The following PPP2R2B variants were observed in gnomAD, a reference collection of about 807,000 sequenced individuals.
PPP2R2B encodes the protein protein phosphatase 2 regulatory subunit Bbeta.
PPP2R2B carries 5 observed loss-of-function variants against 46.0 expected under a neutral mutation model. The observed-to-expected ratio is 0.11, with a 90% CI of 0.06 to 0.23. PPP2R2B has a LOEUF of 0.23. PPP2R2B is among the 10% of genes least tolerant of loss of function. The probability of loss-of-function intolerance (pLI) is 1.00; values close to 1 mark genes in which losing one functional copy is unlikely to be tolerated. For missense variants in PPP2R2B, 367 were observed against 575.0 expected (o/e 0.64, Z 3.70); for synonymous variants, 215 against 206.7 (o/e 1.04, Z -0.34).
At chr5:146,709,922 T>C (rs1780123507) in intron 2 of PPP2R2B, among the ~76,000 whole-genome samples, 1 of 152,192 alleles carries the variant, frequency 6.6e-6, no homozygotes, top group Non-Finnish European at 1.5e-5. Flanking sequence ...CTTATAGCAC[T>C]TTGCACAGGG....
chr5:146,975,502 AT>A (rs199938289), intron 1 of PPP2R2B, among the ~76,000 whole-genome samples: 8 of 151,970 alleles, frequency 5.3e-5, no homozygotes, highest in South Asian at 2.1e-4. Flanking sequence ...CTTGCTTTTA[AT>A]TTTTTTTGGC....
At position 146,746,109 on chromosome 5, in the gene PPP2R2B, G is replaced by A. The variant is rs919043815; in HGVS notation, c.71-44967C>T. ...GGCTTGGCTATGAAAACCTTATAGC[G>A]CTATTATGTGCTACACCTGTGATGG... On this transcript the variant is annotated intron_variant, in intron 2 of 9. Transcript: ENST00000394411. Among the ~76,000 whole-genome samples the A allele has an allele frequency of 7.9e-5, 12 of 152,114 alleles. No homozygotes were observed. In the East Asian group the frequency reaches 9.6e-4, roughly 12 times the overall value.
chr5:146,920,466 C>A (rs774031927), intron 1 of PPP2R2B, among the ~76,000 whole-genome samples: 3 of 152,142 alleles, frequency 2.0e-5, no homozygotes, highest in Non-Finnish European at 4.4e-5. Flanking sequence ...GAAATTGTAC[C>A]GTTCTAAGAG....
chr5:146,820,750 C>A (rs796809922), intron 2 of PPP2R2B, among the ~76,000 whole-genome samples: 4 of 152,150 alleles, frequency 2.6e-5, no homozygotes, highest in African/African-American at 9.6e-5. Context: ...TCCGTCTCCT[C>A]CCCTCTCCAA....
At chr5:146,881,047 T>C (rs956342457), upstream of PPP2R2B, among the ~76,000 whole-genome samples, 4 of 147,306 alleles carry the variant, frequency 2.7e-5, no homozygotes, top group South Asian at 2.2e-4. Context: ...TGTGCACCAC[T>C]GTGGAGCTGG....
At position 146,915,447 on chromosome 5, in the gene PPP2R2B, TACACACAC is replaced by T. The variant is rs34632167; in HGVS notation, c.79+140210_79+140217del. On this transcript the variant is annotated intron_variant, in intron 1 of 8. Transcript: ENST00000336640. ...ATCCAAAGAAGTCATTCTACCTATG[TACACACAC>T]ACACACACACACACACACGTACACA... 4.7e-5 allele frequency among the ~76,000 whole-genome samples: 7 copies of T among 147,630 alleles called. No homozygotes were observed. The East Asian group carries it at 8.1e-4, about 17-fold the overall frequency.
At chr5:146,856,656 G>T in intron 2 of PPP2R2B, 1 of 1,059,326 alleles carries the variant, frequency 9.4e-7, no homozygotes, top group Non-Finnish European at 1.5e-6. Context: ...ACATACAGGT[G>T]CATTTACATA....
chr5:146,702,583 G>A (rs997917157), intron 2 of PPP2R2B, among the ~76,000 whole-genome samples: 2 of 152,240 alleles, frequency 1.3e-5, no homozygotes, highest in Non-Finnish European at 2.9e-5. Flanking sequence ...GTATTGCCAT[G>A]TATTGCCTGA....
rs544578932 is a variant in PPP2R2B at position 146,901,077 on chromosome 5, G to A, written c.79+154588C>T. On this transcript the variant is annotated intron_variant, in intron 1 of 8. Coordinates refer to the PPP2R2B transcript ENST00000336640. ...TTCCATGTCTTTGCTATTGTGAATA[G>A]CAGCTATATTTTCTTATGTAAACAT... Among the ~76,000 whole-genome samples the A allele has an allele frequency of 2.6e-5, 4 of 152,258 alleles. No homozygotes were observed. The South Asian group carries it at 8.3e-4, about 32-fold the overall frequency.
chr5:146,856,558 C>T (rs1369295067), intron 2 of PPP2R2B: 1 of 1,612,934 alleles, frequency 6.2e-7, no homozygotes, highest in Non-Finnish European at 8.5e-7. Flanking sequence ...GGCCACTATT[C>T]TCTGTCTTGG....
At chr5:146,719,899 T>C (rs1347728905) in intron 2 of PPP2R2B, among the ~76,000 whole-genome samples, 1 of 152,130 alleles carries the variant, frequency 6.6e-6, no homozygotes, top group African/African-American at 2.4e-5. Flanking sequence ...GGCATTCCCA[T>C]ATGGCCATTC....
At chr5:146,667,334 A>G (rs6885322) in intron 5 of PPP2R2B, among the ~76,000 whole-genome samples, 527 of 5,666 alleles carry the variant, frequency 0.093, no homozygotes, top group African/African-American at 0.25. Context: ...GTGCGCGCGC[A>G]CACACACACA....
intron 1 of PPP2R2B, among the ~76,000 whole-genome samples, chr5:146,923,657 G>A (rs1168424724): frequency 6.6e-6 from 1 of 152,184 alleles, no homozygotes; most frequent in African/African-American, 2.4e-5. Context: ...TGAAGACAGT[G>A]TGGCAATTCC....
chr5:146,906,289 C>A (rs1269552681), intron 1 of PPP2R2B, among the ~76,000 whole-genome samples: 2 of 150,334 alleles, frequency 1.3e-5, no homozygotes, highest in Non-Finnish European at 2.9e-5. Flanking sequence ...ATTTCACCTG[C>A]TTCTTGTACC....
intron 1 of PPP2R2B, among the ~76,000 whole-genome samples, chr5:147,011,627 G>A (rs921871320): frequency 6.6e-6 from 1 of 150,874 alleles, no homozygotes; most frequent in Non-Finnish European, 1.5e-5. Flanking sequence ...GAATAGGAGT[G>A]GTGAGAGAGG....
At chr5:146,871,670 G>A (rs1397793972) in intron 2 of PPP2R2B, among the ~76,000 whole-genome samples, 4 of 152,184 alleles carry the variant, frequency 2.6e-5, no homozygotes, top group African/African-American at 7.2e-5. Context: ...CACCGACCAG[G>A]CGCCAATGGG....
At chr5:146,997,315 G>T (rs1174196243) in intron 1 of PPP2R2B, among the ~76,000 whole-genome samples, 1 of 152,172 alleles carries the variant, frequency 6.6e-6, no homozygotes, top group Non-Finnish European at 1.5e-5. Context: ...TCTCTACTCT[G>T]ACCCCTGGTA....
At chr5:147,043,929 C>A (rs1202950805) in intron 1 of PPP2R2B, among the ~76,000 whole-genome samples, 1 of 152,020 alleles carries the variant, frequency 6.6e-6, no homozygotes, top group Non-Finnish European at 1.5e-5. Flanking sequence ...TCCCACCTCT[C>A]CTGCTTGCTA....
chr5:146,921,450 A>C, intron 1 of PPP2R2B, among the ~76,000 whole-genome samples: 1 of 152,110 alleles, frequency 6.6e-6, no homozygotes, highest in East Asian at 1.9e-4. Flanking sequence ...ACATCCAGCA[A>C]CTCGCATTCC....
Sources: allele counts gnomAD v4.1 joint callset (sites outside exome capture counted in the v4.1 genomes callset), GRCh38; gene constraint gnomAD v4.1.1; transcripts MANE v1.5; gene names NCBI Gene and HGNC (gene_info 2026-07-23, HGNC 2026-07-21).